ANKRD12: variants seen among roughly 807,000 people sequenced by gnomAD.
ANKRD12 encodes ankyrin repeat domain-containing protein 12.
ANKRD12 carries 85 observed loss-of-function variants against 183.4 expected under a neutral mutation model. The observed-to-expected ratio is 0.46, with a 90% CI of 0.39 to 0.56. The LOEUF is 0.56. ANKRD12 is among the 20% of genes least tolerant of loss of function. The probability of loss-of-function intolerance (pLI) is 0.00; values close to 1 mark genes in which losing one functional copy is unlikely to be tolerated. For missense variants in ANKRD12, 2,405 were observed against 2,357.1 expected, an observed-to-expected ratio of 1.02 and a Z score of -0.42; for synonymous variants, 914 against 800.2, an observed-to-expected ratio of 1.14 and a Z score of -2.40.
chr18:9,168,429 C>T (rs2032319062), intron 1 of ANKRD12, among the ~76,000 whole-genome samples: 1 of 152,154 alleles, frequency 6.6e-6, no homozygotes, highest in South Asian at 2.1e-4. Flanking sequence ...GATTCAACTT[C>T]TTCCTGATTT....
intron 10 of ANKRD12, among the ~76,000 whole-genome samples, chr18:9,267,054 C>T (rs546023311): frequency 2.5e-4 from 38 of 152,214 alleles, no homozygotes; most frequent in South Asian, 1.5e-3. Flanking sequence ...ATCAATTCAA[C>T]AAGAAGAGCT....
chr18:9,281,194 C>A lies in ANKRD12; in HGVS notation c.*68C>A. On this transcript the variant is annotated 3_prime_UTR_variant, in exon 13 of 13. Transcript: ENST00000262126. ...TCAAGCATTATACTGTGGAATACTG[C>A]CTTTTGACAAAAATACTCATGCCTT... 1.5e-6 allele frequency: 2 copies of A among 1,330,392 alleles called. No individual in the cohort carries two copies. The highest frequency in any genetic ancestry group is 1.0e-6 in the Non-Finnish European group (1 of 975,596). 82.4% of individuals were successfully genotyped at this position (1,330,392 alleles called of 1,614,324 possible).
At chr18:9,276,313 T>C (rs1318752482) in intron 11 of ANKRD12, among the ~76,000 whole-genome samples, 1 of 152,114 alleles carries the variant, frequency 6.6e-6, no homozygotes, top group Non-Finnish European at 1.5e-5. Flanking sequence ...AAGCTAGTAG[T>C]ACAAAGGATA....
At position 9,157,550 on chromosome 18, in the gene ANKRD12, GGTGT is replaced by G. The variant is rs71168037; in HGVS notation, c.-52+20618_-52+20621del. Among the ~76,000 whole-genome samples the G allele has an allele frequency of 5.6e-3, 638 of 114,430 alleles. 147 individuals are homozygous for G. The highest frequency in any genetic ancestry group is 0.029 in the Middle Eastern group (7 of 240). The allele number at this position is 114,430 out of a possible 152,430, so 75.1% of individuals were successfully genotyped here. ...AATGGTAAATTTTATGGTGTGTGTG[GGTGT>G]GTGTGTGTGTGTGTGTGTGTGTGTG... On this transcript the variant is annotated intron_variant, in intron 1 of 12. Transcript: ENST00000262126.
At position 9,255,453 on chromosome 18, in the gene ANKRD12, AC is replaced by A; in HGVS notation, c.2187del (p.Asn729LysfsTer39). 1 of 1,573,750 alleles carries A rather than the reference AC, an allele frequency of 6.4e-7. No homozygotes were observed. On this transcript the variant is annotated frameshift_variant, in exon 9 of 13. Coordinates refer to ENST00000262126, the MANE Select transcript of ANKRD12 (RefSeq NM_015208.5). LOFTEE classifies it high-confidence loss of function. ...TLEKKSKLEKNIKDDKSTKEK... is the reference protein window; with the variant it reads ...TLEKKSKLEKXIKDDKSTKEK... ...GAAAAAAAATCAAAATTGGAAAAAA[AC>A]ATCAAAGATGATAAATCAACCAAGG...
At chr18:9,219,079 T>C (rs1352321024) in intron 7 of ANKRD12, among the ~76,000 whole-genome samples, 1 of 152,224 alleles carries the variant, frequency 6.6e-6, no homozygotes, top group East Asian at 1.9e-4. Flanking sequence ...TAAGCAACTT[T>C]AAGAACAATT....
intron 1 of ANKRD12, among the ~76,000 whole-genome samples, chr18:9,181,509 C>T (rs1483194136): frequency 6.6e-6 from 1 of 152,114 alleles, no homozygotes; most frequent in African/African-American, 2.4e-5. Flanking sequence ...AGTAATACTC[C>T]CCTTGGCCAG....
At position 9,257,465 on chromosome 18, in the gene ANKRD12, G is replaced by A; in HGVS notation, c.4198G>A (p.Asp1400Asn). The A allele has an allele frequency of 6.2e-7, 1 of 1,614,064 alleles. No homozygotes were observed. Among genetic ancestry groups the A allele is most frequent in the Non-Finnish European group, 8.5e-7 (1 of 1,179,982 alleles). Residue 1400 changes from aspartate (D) to asparagine (N), a missense_variant, in exon 9 of 13, where the codon GAC becomes AAC. Around this residue, in one of 7 missense-constraint regions of ANKRD12, gnomAD observed 1,983 missense variants for 1,725.9 expected, o/e 1.15. Coordinates refer to ENST00000262126, the MANE Select transcript of ANKRD12 (RefSeq NM_015208.5). ...KNTAPVNTVM[D>N]SPVHLEPSSQ... is the part of the protein sequence containing the mutation. ...TACTGCCCCAGTGAACACTGTAATG[G>A]ACAGTCCAGTGCATTTAGAGCCATC...
At chr18:9,182,759 TGAGA>T (rs1297720628) in intron 2 of ANKRD12, among the ~76,000 whole-genome samples, 1 of 152,152 alleles carries the variant, frequency 6.6e-6, no homozygotes. Context: ...TAAGAAATAT[TGAGA>T]GAGGGAAAAA....
Position 9,204,466 on chromosome 18 carries a change from C to T in ANKRD12, c.236-10C>T. The T allele has an allele frequency of 1.3e-6, 2 of 1,588,114 alleles. No individual in the cohort carries two copies. The highest frequency in any genetic ancestry group is 1.7e-6 in the Non-Finnish European group (2 of 1,160,834). ...TTTTTTCTCTTCTCCTGTCTCTTCTCATTCTGTAGATTCAGATCCAGGACA... is the reference window on the plus strand; with the variant it reads ...TTTTTTCTCTTCTCCTGTCTCTTCTTATTCTGTAGATTCAGATCCAGGACA... On this transcript the variant is annotated splice_polypyrimidine_tract_variant and intron_variant, in intron 3 of 12. Transcript: ENST00000262126.
At chr18:9,226,432 A>G (rs201814908) in intron 8 of ANKRD12, among the ~76,000 whole-genome samples, 1 of 75,444 alleles carries the variant, frequency 1.3e-5, no homozygotes, top group Non-Finnish European at 3.2e-5. Flanking sequence ...TCTCAAAAAA[A>G]GAAAAAAAAA....
chr18:9,230,300 G>A (rs925253887), intron 8 of ANKRD12, among the ~76,000 whole-genome samples: 1 of 152,002 alleles, frequency 6.6e-6, no homozygotes, highest in African/African-American at 2.4e-5. Context: ...GTGATTTTCG[G>A]TATTTCTGTG....
rs756458702 is a variant in ANKRD12 at position 9,211,883 on chromosome 18, G to T, written c.652+99G>T. On this transcript the variant is annotated intron_variant, in intron 6 of 12. Coordinates refer to ENST00000262126, the MANE Select transcript of ANKRD12 (RefSeq NM_015208.5). The stretch of plus-strand genomic sequence containing the variant: ...ATTCTTTTATTCATTTTGCTGAAAT[G>T]AAAGAGTTCTAAAAATACTCTTTAT... The T allele has an allele frequency of 4.9e-4, 530 of 1,081,628 alleles. 1 individual carries two copies. Among genetic ancestry groups the T allele is most frequent in the Non-Finnish European group, 6.6e-4 (499 of 758,842 alleles). 67.0% of individuals were successfully genotyped at this position (1,081,628 alleles called of 1,614,324 possible).
intron 1 of ANKRD12, among the ~76,000 whole-genome samples, chr18:9,175,547 T>TTTTTTTTTC (rs2033192356): frequency 7.1e-6 from 1 of 141,492 alleles, no homozygotes; most frequent in Non-Finnish European, 1.5e-5. Flanking sequence ...TTTTTTTTTT[T>TTTTTTTTTC]TTTTGAGACA....
chr18:9,191,563 C>G (rs548474141), intron 2 of ANKRD12, among the ~76,000 whole-genome samples: 16 of 151,994 alleles, frequency 1.1e-4, no homozygotes, highest in Admixed American at 1.0e-3. Context: ...ATTCTTAAAT[C>G]TTTTATTCGT....
rs1366574289 is a variant in ANKRD12, at chr18:9,245,248, G to A, written c.944-8963G>A. 2.6e-5 allele frequency among the ~76,000 whole-genome samples: 4 copies of A among 151,156 alleles called. No homozygotes were observed. The South Asian group carries it at 6.3e-4, about 24-fold the overall frequency. On this transcript the variant is annotated intron_variant, in intron 8 of 12. Coordinates refer to ENST00000262126, the MANE Select transcript of ANKRD12 (RefSeq NM_015208.5). The stretch of plus-strand genomic sequence containing the variant: ...GCAGATTACTTGAGCCCAGGAGTTC[G>A]AGAGCAGCCTGGGCAACATGGCAAA...
intron 8 of ANKRD12, chr18:9,235,842 C>A: frequency 5.8e-6 from 2 of 343,970 alleles, no homozygotes; most frequent in Non-Finnish European, 5.9e-6. Flanking sequence ...CTTTAATGGG[C>A]AAGACTGAGA....
In ANKRD12 at chr18:9,284,396, AAAT is replaced by A. The variant is rs1598804233; in HGVS notation, c.*3271_*3273del. 6.6e-6 allele frequency: 1 copy of A among 151,434 alleles called. No individual in the cohort carries two copies. The highest frequency in any genetic ancestry group is 1.9e-4 in the East Asian group (1 of 5,156). 9.4% of individuals were successfully genotyped at this position (151,434 alleles called of 1,614,324 possible). ...CTAAATACATAGTTTTCCAAAAAGAAAATTATTGTCTCTGATATCTTAAAACAT... is the reference window on the plus strand; with the variant it reads ...CTAAATACATAGTTTTCCAAAAAGAATATTGTCTCTGATATCTTAAAACAT... On this transcript the variant is annotated 3_prime_UTR_variant, in exon 13 of 13. Transcript: ENST00000262126.
intron 10 of ANKRD12, among the ~76,000 whole-genome samples, chr18:9,269,748 A>G (rs1193015948): frequency 6.6e-6 from 1 of 152,264 alleles, no homozygotes; most frequent in Admixed American, 6.5e-5. Flanking sequence ...GGCAATGGGA[A>G]CAAAAGTCAA....
Sources: allele counts gnomAD v4.1 joint callset (sites outside exome capture counted in the v4.1 genomes callset), GRCh38; gene constraint gnomAD v4.1.1; regional missense constraint gnomAD v4.1.1; transcripts MANE v1.5; gene names NCBI Gene and HGNC (gene_info 2026-07-23, HGNC 2026-07-21).